Variants in DLG2 observed in about 807,000 individuals in gnomAD.
DLG2 encodes disks large homolog 2.
DLG2 carries 45 observed loss-of-function variants against 132.5 expected under a neutral mutation model. The observed-to-expected ratio is 0.34, with a 90% CI of 0.27 to 0.44. The LOEUF (loss-of-function observed/expected upper bound fraction) is 0.44, where lower values mean the gene tolerates loss of function less well. DLG2 is among the 20% of genes least tolerant of loss of function. The pLI, the probability that DLG2 is intolerant of heterozygous loss-of-function variation, is 1.00. For synonymous variants in DLG2, 424 were observed against 419.6 expected (o/e 1.01, Z -0.13); for missense variants, 1,045 against 1,196.9 (o/e 0.87, Z 1.87).
At chr11:84,378,074 T>C (rs1350679875) in intron 7 of DLG2, among the ~76,000 whole-genome samples, 1 of 152,162 alleles carries the variant, frequency 6.6e-6, no homozygotes, top group Non-Finnish European at 1.5e-5. Flanking sequence ...GTTTATGTTC[T>C]TCTGCCTCCA....
chr11:84,504,863 A>T (rs1226550909), intron 7 of DLG2, among the ~76,000 whole-genome samples: 1 of 152,154 alleles, frequency 6.6e-6, no homozygotes, highest in African/African-American at 2.4e-5. Context: ...TCTTTGACTG[A>T]ATCATCTATT....
intron 3 of DLG2, among the ~76,000 whole-genome samples, chr11:85,481,476 T>C (rs1443358760): frequency 6.6e-6 from 1 of 152,128 alleles, no homozygotes; most frequent in Non-Finnish European, 1.5e-5. Context: ...CATTACCCAT[T>C]TCACCCAACT....
intron 6 of DLG2, among the ~76,000 whole-genome samples, chr11:84,543,630 T>C (rs1234657414): frequency 2.0e-5 from 3 of 152,128 alleles, no homozygotes; most frequent in Non-Finnish European, 4.4e-5. Flanking sequence ...GTTGAATAAG[T>C]AAGTACTTTG....
intron 8 of DLG2, among the ~76,000 whole-genome samples, chr11:84,207,431 C>T (rs192305374): frequency 6.6e-6 from 1 of 152,104 alleles, no homozygotes; most frequent in East Asian, 1.9e-4. Flanking sequence ...ATGGTATTGG[C>T]ATATGCTAGA....
At chr11:84,763,022 C>T (rs2067861104) in intron 6 of DLG2, among the ~76,000 whole-genome samples, 1 of 152,176 alleles carries the variant, frequency 6.6e-6, no homozygotes, top group African/African-American at 2.4e-5. Flanking sequence ...ACATGCCATT[C>T]ACTCTGCAGA....
intron 6 of DLG2, among the ~76,000 whole-genome samples, chr11:84,636,583 G>A (rs1445450474): frequency 1.3e-5 from 2 of 152,098 alleles, no homozygotes; most frequent in Non-Finnish European, 2.9e-5. Flanking sequence ...TTTTTATTAT[G>A]CTAGGCAGAG....
At chr11:83,613,438 G>A (rs1242930172) in intron 19 of DLG2, among the ~76,000 whole-genome samples, 1 of 152,070 alleles carries the variant, frequency 6.6e-6, no homozygotes, top group Non-Finnish European at 1.5e-5. Flanking sequence ...TTTCATCACT[G>A]GAAATCAAAA....
intron 4 of DLG2, among the ~76,000 whole-genome samples, chr11:85,214,366 C>A (rs2082443380): frequency 6.6e-6 from 1 of 152,134 alleles, no homozygotes; most frequent in Admixed American, 6.6e-5. Flanking sequence ...ATCTCTACAA[C>A]ACCTCGCAAA....
At chr11:83,934,242 TC>T (rs1292384872) in intron 14 of DLG2, among the ~76,000 whole-genome samples, 1 of 152,162 alleles carries the variant, frequency 6.6e-6, no homozygotes, top group Non-Finnish European at 1.5e-5. Context: ...CACATCTCTT[TC>T]ATATCACCTC....
intron 6 of DLG2, among the ~76,000 whole-genome samples, chr11:85,061,411 T>C (rs1480689366): frequency 6.6e-6 from 1 of 151,850 alleles, no homozygotes; most frequent in Non-Finnish European, 1.5e-5. Context: ...TTATTTGGCC[T>C]AGATGAGTTA....
intron 16 of DLG2, among the ~76,000 whole-genome samples, chr11:83,854,986 C>T (rs2060302203): frequency 6.6e-6 from 1 of 152,022 alleles, no homozygotes; most frequent in African/African-American, 2.4e-5. Context: ...CTAAAACTGA[C>T]AAACAACTCA....
At chr11:84,894,139 C>T (rs1165696663) in intron 6 of DLG2, among the ~76,000 whole-genome samples, 1 of 152,148 alleles carries the variant, frequency 6.6e-6, no homozygotes, top group East Asian at 1.9e-4. Flanking sequence ...GGTTCTCAAG[C>T]TTGGCCTCCT....
chr11:84,690,021 G>A (rs1408206124), intron 6 of DLG2, among the ~76,000 whole-genome samples: 2 of 151,908 alleles, frequency 1.3e-5, no homozygotes, highest in Non-Finnish European at 2.9e-5. Context: ...AGAAAAGCAA[G>A]TACTGTATGA....
At chr11:83,800,053 T>C (rs1207873884) in intron 17 of DLG2, among the ~76,000 whole-genome samples, 1 of 152,180 alleles carries the variant, frequency 6.6e-6, no homozygotes, top group Non-Finnish European at 1.5e-5. Context: ...TTAGCTATTG[T>C]TGAACCCTCT....
At chr11:83,524,175 C>A (rs958700519) in intron 21 of DLG2, among the ~76,000 whole-genome samples, 2 of 152,162 alleles carry the variant, frequency 1.3e-5, no homozygotes, top group African/African-American at 4.8e-5. Flanking sequence ...TCTATTTTCA[C>A]ATATTAGGCT....
chr11:84,126,278 C>T (rs1275590552), intron 9 of DLG2, among the ~76,000 whole-genome samples: 2 of 152,130 alleles, frequency 1.3e-5, no homozygotes, highest in African/African-American at 4.8e-5. Flanking sequence ...TAGCGAAGAA[C>T]TGAATAAACT....
At chr11:85,141,340 T>A (rs994476667) in intron 5 of DLG2, among the ~76,000 whole-genome samples, 4 of 151,948 alleles carry the variant, frequency 2.6e-5, no homozygotes, top group Non-Finnish European at 4.4e-5. Flanking sequence ...ATTTTTCATA[T>A]ATCTATTGGC....
intron 18 of DLG2, among the ~76,000 whole-genome samples, chr11:83,643,881 A>C (rs1257082701): frequency 5.3e-5 from 8 of 151,798 alleles, no homozygotes. Context: ...ACTTTGTTCT[A>C]CAAGTGACTA....
chr11:84,291,641 A>T (rs2098000056), intron 7 of DLG2, among the ~76,000 whole-genome samples: 1 of 152,206 alleles, frequency 6.6e-6, no homozygotes, highest in Non-Finnish European at 1.5e-5. Context: ...ATTCCAGCTG[A>T]CAGATGACAC....
Sources: gnomAD v4.1 joint callset for allele counts (sites outside exome capture counted in the v4.1 genomes callset) on GRCh38, gnomAD v4.1.1 for gene constraint, MANE v1.5 for transcripts, NCBI Gene and HGNC (gene_info 2026-07-23, HGNC 2026-07-21) for gene names.